The following NALF1 variants were observed in gnomAD, a reference collection of about 807,000 sequenced individuals.
NALF1 encodes family with sequence similarity 155 member A.
NALF1 carries 3 observed loss-of-function variants against 48.4 expected under a neutral mutation model. The ratio of observed to expected loss-of-function variants is 0.06; its 90% CI spans 0.03 to 0.16. NALF1 has a LOEUF of 0.16. Ranked by LOEUF, NALF1 falls within the 10% of genes least tolerant of loss-of-function variation. The probability of loss-of-function intolerance (pLI) is 1.00; values close to 1 mark genes in which losing one functional copy is unlikely to be tolerated. For missense variants in NALF1, 526 were observed against 571.5 expected (o/e 0.92, Z 0.81); for synonymous variants, 262 against 245.7 (o/e 1.07, Z -0.62).
intron 1 of NALF1, among the ~76,000 whole-genome samples, chr13:107,648,394 G>A (rs1227778259): frequency 6.6e-6 from 1 of 152,056 alleles, no homozygotes; most frequent in African/African-American, 2.4e-5. Flanking sequence ...TCTCTATACT[G>A]CTGCCTTTTC....
intron 1 of NALF1, among the ~76,000 whole-genome samples, chr13:107,666,488 C>G (rs1411795318): frequency 6.6e-6 from 1 of 152,088 alleles, no homozygotes; most frequent in East Asian, 1.9e-4. Context: ...TTGTCTGCAG[C>G]TAATATAGGT....
intron 2 of NALF1, among the ~76,000 whole-genome samples, chr13:107,177,058 G>C (rs1878954377): frequency 6.6e-6 from 1 of 151,820 alleles, no homozygotes; most frequent in Admixed American, 6.6e-5. Context: ...ACAAAAATCG[G>C]TAACATTTCT....
chr13:107,775,568 C>G (rs376857987), intron 1 of NALF1, among the ~76,000 whole-genome samples: 4 of 151,530 alleles, frequency 2.6e-5, no homozygotes, highest in African/African-American at 9.7e-5. Flanking sequence ...TGGGTATATA[C>G]CCAGTAATGG....
intron 1 of NALF1, among the ~76,000 whole-genome samples, chr13:107,212,974 C>T (rs114218551): frequency 1.8e-3 from 279 of 152,212 alleles, no homozygotes; most frequent in African/African-American, 6.5e-3. Context: ...CGCTCCCTCA[C>T]ACGTTGCCTT....
intron 1 of NALF1, among the ~76,000 whole-genome samples, chr13:107,463,423 T>C (rs1884951311): frequency 6.6e-6 from 1 of 152,150 alleles, no homozygotes; most frequent in Admixed American, 6.5e-5. Context: ...GGGTACAGAA[T>C]AGAGAGGAAG....
intron 1 of NALF1, among the ~76,000 whole-genome samples, chr13:107,863,931 G>T (rs138355204): frequency 1.3e-5 from 2 of 152,254 alleles, no homozygotes; most frequent in Non-Finnish European, 2.9e-5. Flanking sequence ...GAAATTATCA[G>T]AAATTAGGGT....
intron 1 of NALF1, among the ~76,000 whole-genome samples, chr13:107,583,651 A>G (rs1292332455): frequency 1.3e-5 from 2 of 152,170 alleles, no homozygotes; most frequent in African/African-American, 2.4e-5. Flanking sequence ...GACTATCAGC[A>G]TTCTCTTACC....
chr13:107,830,264 G>A (rs1289152931), intron 1 of NALF1, among the ~76,000 whole-genome samples: 8 of 152,124 alleles, frequency 5.3e-5, no homozygotes, highest in Non-Finnish European at 7.4e-5. Context: ...TGTATCCTTC[G>A]TTCCTTTAAA....
intron 1 of NALF1, among the ~76,000 whole-genome samples, chr13:107,440,024 T>G (rs2139025176): frequency 6.6e-6 from 1 of 152,346 alleles, no homozygotes; most frequent in East Asian, 1.9e-4. Context: ...TCACTTAATA[T>G]TTTGGAATAT....
intron 1 of NALF1, among the ~76,000 whole-genome samples, chr13:107,346,725 C>T (rs903135936): frequency 6.6e-6 from 1 of 152,152 alleles, no homozygotes; most frequent in Non-Finnish European, 1.5e-5. Context: ...CTGTACTGTA[C>T]TATTAAAAAC....
intron 1 of NALF1, among the ~76,000 whole-genome samples, chr13:107,473,177 G>A (rs1051694092): frequency 7.9e-5 from 12 of 152,166 alleles, no homozygotes; most frequent in Non-Finnish European, 1.2e-4. Flanking sequence ...GTGTACCACA[G>A]GCTTTTCTGT....
At chr13:107,820,143 C>G (rs1167506992) in intron 1 of NALF1, among the ~76,000 whole-genome samples, 1 of 152,162 alleles carries the variant, frequency 6.6e-6, no homozygotes, top group Non-Finnish European at 1.5e-5. Context: ...TTCATAAGCT[C>G]CTTGGCGGTT....
intron 1 of NALF1, among the ~76,000 whole-genome samples, chr13:107,384,870 CCCA>C (rs1883501502): frequency 6.6e-6 from 1 of 152,170 alleles, no homozygotes; most frequent in South Asian, 2.1e-4. Context: ...GAGTGTGTTT[CCCA>C]CTGGTTATAC....
intron 1 of NALF1, among the ~76,000 whole-genome samples, chr13:107,669,079 TCTTA>T (rs988061215): frequency 2.6e-5 from 4 of 152,262 alleles, no homozygotes; most frequent in African/African-American, 7.2e-5. Flanking sequence ...TTTTGTACAT[TCTTA>T]CTTATATTTA....
intron 1 of NALF1, among the ~76,000 whole-genome samples, chr13:107,839,683 G>GA (rs71686285): frequency 0.26 from 37,956 of 147,700 alleles, 5,040 homozygotes; most frequent in East Asian, 0.49. Flanking sequence ...TCCTGCATAA[G>GA]AAAAAAAAAC....
chr13:107,345,558 GAA>G (rs1430245780), intron 1 of NALF1, among the ~76,000 whole-genome samples: 1 of 152,158 alleles, frequency 6.6e-6, no homozygotes, highest in Non-Finnish European at 1.5e-5. Flanking sequence ...AATATGGAAA[GAA>G]GAGTCTCTTC....
chr13:107,492,257 C>T (rs1329592032), intron 1 of NALF1, among the ~76,000 whole-genome samples: 1 of 151,864 alleles, frequency 6.6e-6, no homozygotes, highest in Non-Finnish European at 1.5e-5. Flanking sequence ...CCATGTTGGC[C>T]AGGCTGTTCT....
At chr13:107,217,978 C>T (rs1879910091) in intron 1 of NALF1, among the ~76,000 whole-genome samples, 1 of 152,204 alleles carries the variant, frequency 6.6e-6, no homozygotes, top group African/African-American at 2.4e-5. Flanking sequence ...CACAGCAACA[C>T]CCAGGAGAAT....
intron 1 of NALF1, among the ~76,000 whole-genome samples, chr13:107,256,629 T>A (rs1275701821): frequency 2.6e-5 from 4 of 152,192 alleles, no homozygotes; most frequent in Non-Finnish European, 4.4e-5. Context: ...ATATCTTCAA[T>A]GCTTCATTTT....
Sources: gnomAD v4.1 joint callset for allele counts (sites outside exome capture counted in the v4.1 genomes callset) on GRCh38, gnomAD v4.1.1 for gene constraint, MANE v1.5 for transcripts, NCBI Gene and HGNC (gene_info 2026-07-23, HGNC 2026-07-21) for gene names.